Variants in PCDHGA1 observed in about 807,000 individuals in gnomAD.
PCDHGA1 encodes the protein protocadherin gamma-A1.
Under a neutral mutation model 58.0 loss-of-function variants are expected in PCDHGA1, and 32 were observed. The ratio of observed to expected loss-of-function variants is 0.55; its 90% confidence interval spans 0.42 to 0.74. The LOEUF (loss-of-function observed/expected upper bound fraction) is 0.74. PCDHGA1 is among the 30% of genes least tolerant of loss of function. The probability of loss-of-function intolerance (pLI) is 0.00; values close to 1 mark genes in which losing one functional copy is unlikely to be tolerated. For missense variants in PCDHGA1, 1,205 were observed against 1,182.3 expected (o/e 1.02, Z -0.28); for synonymous variants, 498 against 501.1 (o/e 0.99, Z 0.08).
rs377061064 is a variant in PCDHGA1, at chr5:141,505,429, C to A, written c.2517C>A (p.Asn839Lys). 1.2e-6 allele frequency: 2 copies of A among 1,614,116 alleles called. No homozygotes were observed. Among genetic ancestry groups the A allele is most frequent in the African/African-American group, 1.3e-5 (1 of 74,938 alleles). Residue 839 changes from asparagine (N) to lysine (K), a missense_variant, in exon 3 of 4, where the codon AAC becomes AAA. Asn to Lys is a moderately conservative substitution (Grantham distance 94, BLOSUM62 0). Coordinates refer to ENST00000517417, the MANE Select transcript of PCDHGA1 (RefSeq NM_018912.3). ...QNGDDTGTWP[N>K]NQFDTEMLQA... ...GCGATGACACCGGCACCTGGCCCAA[C>A]AACCAGTTTGACACAGAGATGCTGC...
intron 1 of PCDHGA1, chr5:141,375,055 G>T (rs1771087502): frequency 6.2e-7 from 1 of 1,614,042 alleles, no homozygotes; most frequent in Non-Finnish European, 8.5e-7. Flanking sequence ...CCCGGGATGG[G>T]CCAGGTCTTC....
intron 1 of PCDHGA1, among the ~76,000 whole-genome samples, chr5:141,488,118 A>G (rs1054356891): frequency 2.7e-4 from 41 of 152,190 alleles, no homozygotes; most frequent in Non-Finnish European, 2.9e-5. Context: ...AAACATAGAG[A>G]CAGCAGAAAG....
intron 1 of PCDHGA1, chr5:141,430,740 A>C (rs1485485180): frequency 5.3e-6 from 8 of 1,497,664 alleles, no homozygotes; most frequent in Non-Finnish European, 7.1e-6. Context: ...AATTGAAAAT[A>C]ATTCTGGAGG....
chr5:141,400,621 A>G (rs1361532935), intron 1 of PCDHGA1: 1 of 1,521,426 alleles, frequency 6.6e-7, no homozygotes, highest in Non-Finnish European at 9.0e-7. Flanking sequence ...GAGTTGTCTT[A>G]GGGAAGTCAG....
At position 141,482,530 on chromosome 5, in the gene PCDHGA1, C is replaced by CAA. The variant is rs3074545; in HGVS notation, c.2422-12259_2422-12258dup. ...CAGAGTACAGTATGAGACAGACATG[C>CAA]AAAAAAAAAAAAAAAAAAAGATAAT... On this transcript the variant is annotated intron_variant, in intron 1 of 3. Transcript: ENST00000517417. Among the ~76,000 whole-genome samples the CAA allele has an allele frequency of 5.5e-3, 422 of 76,516 alleles. 18 individuals are homozygous for CAA. Among genetic ancestry groups the CAA allele is most frequent in the African/African-American group, 0.016 (343 of 20,862 alleles). The allele number at this position is 76,516 out of a possible 152,430, so 50.2% of individuals were successfully genotyped here.
At position 141,424,003 on chromosome 5, in the gene PCDHGA1, T is replaced by C. The variant is rs150506228; in HGVS notation, c.2422-70804T>C. 5.3e-3 allele frequency: 5,614 copies of C among 1,067,752 alleles called. 27 individuals carry two copies. The highest frequency in any genetic ancestry group is 0.01 in the Admixed American group (195 of 19,092). 66.1% of individuals were successfully genotyped at this position (1,067,752 alleles called of 1,614,324 possible). A position where few individuals can be genotyped will look rare whatever the true frequency, so the allele number is the denominator to read the frequency against. ...AGGCTCTCAATTTATTATATATAGA[T>C]ACAAATTAATGATTCACAAACACTT... On this transcript the variant is annotated intron_variant, in intron 1 of 3. Transcript: ENST00000517417.
At chr5:141,346,654 G>C (rs1757787682) in intron 1 of PCDHGA1, 1 of 777,668 alleles carries the variant, frequency 1.3e-6, no homozygotes, top group South Asian at 2.0e-5. Context: ...TGGGCTTAGG[G>C]AAAAAATAAT....
At chr5:141,387,369 G>A (rs2090919487) in intron 1 of PCDHGA1, among the ~76,000 whole-genome samples, 1 of 152,148 alleles carries the variant, frequency 6.6e-6, no homozygotes, top group African/African-American at 2.4e-5. Context: ...CTGTGTTATG[G>A]CTATCTTTAT....
intron 1 of PCDHGA1, chr5:141,428,279 C>A: frequency 2.7e-6 from 2 of 753,232 alleles, no homozygotes; most frequent in South Asian, 3.0e-5. Context: ...CCCTCTGATT[C>A]CCAAGCAAAG....
chr5:141,341,333 A>G lies in PCDHGA1; in HGVS notation c.2421+8228A>G, dbSNP rs756112693. ...CATCAGCCAGGAGAGCTGTGAGAAA[A>G]AGGATTTTTTATCAGCGCCTCAATC... On this transcript the variant is annotated intron_variant, in intron 1 of 3. Transcript: ENST00000517417. The G allele has an allele frequency of 1.9e-6, 3 of 1,614,258 alleles. No individual in the cohort carries two copies. The Admixed American group carries it at 5.0e-5, about 27-fold the overall frequency.
chr5:141,399,203 G>C, intron 1 of PCDHGA1: 1 of 1,613,940 alleles, frequency 6.2e-7, no homozygotes, highest in Middle Eastern at 1.6e-4. Context: ...GCGGTGCCTG[G>C]AACACTAATT....
intron 1 of PCDHGA1, chr5:141,403,322 A>G (rs1156229289): frequency 6.2e-7 from 1 of 1,613,982 alleles, no homozygotes; most frequent in Non-Finnish European, 8.5e-7. Flanking sequence ...AATAGAAGTA[A>G]CTGATATTAA....
intron 1 of PCDHGA1, chr5:141,339,354 A>C (rs1241495177): frequency 6.2e-7 from 1 of 1,614,206 alleles, no homozygotes; most frequent in South Asian, 1.1e-5. Context: ...GATATTAACG[A>C]TAATGCCCCT....
At position 141,485,225 on chromosome 5, in the gene PCDHGA1, T is replaced by C; in HGVS notation, c.2422-9582T>C. The C allele has an allele frequency of 1.2e-6, 2 of 1,614,156 alleles. No homozygotes were observed. Among genetic ancestry groups the C allele is most frequent in the Non-Finnish European group, 1.7e-6 (2 of 1,180,010 alleles). On this transcript the variant is annotated intron_variant, in intron 1 of 3. Coordinates refer to ENST00000517417, the MANE Select transcript of PCDHGA1 (RefSeq NM_018912.3). The surrounding 1 kb of genome is among the most constrained non-coding windows in gnomAD (Gnocchi z 5.7). Reference sequence around the variant, plus strand: ...AGAAATCTGGCGGTGGGCTACCCTTTTGTTCCTCTTTTACCACCTGGGTTA... The same window carrying C: ...AGAAATCTGGCGGTGGGCTACCCTTCTGTTCCTCTTTTACCACCTGGGTTA...
In PCDHGA1 at chr5:141,431,482, G is replaced by C. The variant is rs781371030; in HGVS notation, c.2422-63325G>C. ...TGGATGCGAACGACAACGCACCAGCGTTTGCTCAGCCCGAGTACCGCGCGA... is the reference window on the plus strand; with the variant it reads ...TGGATGCGAACGACAACGCACCAGCCTTTGCTCAGCCCGAGTACCGCGCGA... On this transcript the variant is annotated intron_variant, in intron 1 of 3. Coordinates refer to ENST00000517417, the MANE Select transcript of PCDHGA1 (RefSeq NM_018912.3). The surrounding 1 kb of genome is among the most constrained non-coding windows in gnomAD (Gnocchi z 4.8). The C allele has an allele frequency of 6.8e-6, 11 of 1,613,800 alleles. No individual in the cohort carries two copies. The Admixed American group carries it at 1.3e-4, about 20-fold the overall frequency.
At chr5:141,361,659 C>T (rs746637756) in intron 1 of PCDHGA1, 25 of 1,613,626 alleles carry the variant, frequency 1.5e-5, no homozygotes, top group African/African-American at 2.7e-5. Flanking sequence ...TGTCCGTGAG[C>T]GCGCAGAGCG....
intron 1 of PCDHGA1, among the ~76,000 whole-genome samples, chr5:141,465,343 TG>T (rs1048302340): frequency 1.5e-4 from 23 of 152,118 alleles, no homozygotes; most frequent in African/African-American, 5.3e-4. Flanking sequence ...TATTGGTTAC[TG>T]AAGAAAAAAT....
At position 141,360,903 on chromosome 5, in the gene PCDHGA1, G is replaced by A. The variant is rs752031820; in HGVS notation, c.2421+27798G>A. ...GGGTCACCCTGAGGGAGGACGTGCC[G>A]CCGGGCTTCTTTGTGCTTCAAGTGA... On this transcript the variant is annotated intron_variant, in intron 1 of 3. Coordinates refer to ENST00000517417, the MANE Select transcript of PCDHGA1 (RefSeq NM_018912.3). 3 of 1,614,034 alleles carry A rather than the reference G, an allele frequency of 1.9e-6. No homozygotes were observed. In the Admixed American group the frequency reaches 5.0e-5, roughly 27 times the overall value.
chr5:141,413,227 G>T (rs552225139), intron 1 of PCDHGA1: 2 of 1,613,938 alleles, frequency 1.2e-6, no homozygotes, highest in South Asian at 2.2e-5. Flanking sequence ...CAGCGGGCTG[G>T]TCCTGCTCTG....
Sources: allele counts gnomAD v4.1 joint callset (sites outside exome capture counted in the v4.1 genomes callset), GRCh38; gene constraint gnomAD v4.1.1; non-coding constraint Gnocchi (gnomAD v3.1); transcripts MANE v1.5; gene names NCBI Gene and HGNC (gene_info 2026-07-23, HGNC 2026-07-21).